CMIP: variants seen among roughly 807,000 people sequenced by gnomAD.
The protein encoded by CMIP is C-Maf-inducing protein.
A neutral mutation model predicts 97.3 loss-of-function variants in CMIP; 13 were observed. The ratio of observed to expected loss-of-function variants is 0.13; its 90% CI spans 0.09 to 0.21. The LOEUF is 0.21. Among genes scored for constraint, CMIP ranks in the 10% least tolerant of loss-of-function variants. CMIP has a pLI of 1.00. For synonymous variants in CMIP, 538 were observed against 436.3 expected, an observed-to-expected ratio of 1.23 and a Z score of -2.91; for missense variants, 847 against 1,024.9, an observed-to-expected ratio of 0.83 and a Z score of 2.37.
chr16:81,583,648 G>A (rs1412108035), intron 1 of CMIP, among the ~76,000 whole-genome samples: 5 of 152,134 alleles, frequency 3.3e-5, no homozygotes, highest in Non-Finnish European at 7.3e-5. Context: ...CCCAACCGAG[G>A]CTTATTGGGG....
intron 3 of CMIP, among the ~76,000 whole-genome samples, chr16:81,635,467 G>A (rs1466530273): frequency 2.6e-5 from 4 of 152,154 alleles, no homozygotes; most frequent in African/African-American, 4.8e-5. Flanking sequence ...AAATCGATAC[G>A]AATTGATCTG....
chr16:81,583,913 A>G (rs1484601260), intron 1 of CMIP, among the ~76,000 whole-genome samples: 4 of 152,172 alleles, frequency 2.6e-5, no homozygotes, highest in Non-Finnish European at 5.9e-5. Context: ...TTTTGGGTAG[A>G]GAGGGAATCG....
chr16:81,686,597 T>C (rs898597050), intron 10 of CMIP, among the ~76,000 whole-genome samples: 1 of 152,318 alleles, frequency 6.6e-6, no homozygotes, highest in African/African-American at 2.4e-5. Flanking sequence ...CAGGCTTTCC[T>C]GGTCATTCTT....
At chr16:81,671,716 G>A (rs2092684800) in intron 8 of CMIP, among the ~76,000 whole-genome samples, 2 of 152,180 alleles carry the variant, frequency 1.3e-5, no homozygotes, top group African/African-American at 4.8e-5. Context: ...CCACTCAGGG[G>A]TTTGAACCCG....
chr16:81,588,836 G>A (rs995291100), intron 1 of CMIP, among the ~76,000 whole-genome samples: 13 of 152,042 alleles, frequency 8.6e-5, no homozygotes, highest in South Asian at 2.1e-4. Flanking sequence ...GCCTCCCGTC[G>A]TCTTCCTGTG....
intron 15 of CMIP, among the ~76,000 whole-genome samples, chr16:81,700,277 G>A (rs1907250465): frequency 6.6e-6 from 1 of 151,868 alleles, no homozygotes; most frequent in Non-Finnish European, 1.5e-5. Context: ...CCTTCACCTC[G>A]TGGCCTCCAG....
chr16:81,645,285 C>G (rs1309292482), intron 3 of CMIP: 1 of 1,002,342 alleles, frequency 1.0e-6, no homozygotes, highest in East Asian at 3.7e-5. Flanking sequence ...CTCCTCCACT[C>G]TGCAGTGCCA....
chr16:81,445,222 C>T lies in CMIP; in HGVS notation c.-20C>T, dbSNP rs1418518124. The T allele has an allele frequency of 2.0e-6, 3 of 1,492,466 alleles. No individual in the cohort carries two copies. Among genetic ancestry groups the T allele is most frequent in the Non-Finnish European group, 2.7e-6 (3 of 1,123,246 alleles). 92.5% of individuals were successfully genotyped at this position (1,492,466 alleles called of 1,614,324 possible). ...GACAGCCCCCTCTCCCCGCCCCCAG[C>T]CCCCTCCCCCGGCGCGGCCATGGAT... On this transcript the variant is annotated 5_prime_UTR_variant, in exon 1 of 21. Transcript: ENST00000537098.
At chr16:81,465,492 C>T (rs28634254) in intron 1 of CMIP, among the ~76,000 whole-genome samples, 4,689 of 152,304 alleles carry the variant, frequency 0.031, 244 homozygotes, top group East Asian at 0.28. Flanking sequence ...GACTGGACCC[C>T]GTACGTTTGT....
At chr16:81,511,671 C>G (rs991119177) in intron 1 of CMIP, among the ~76,000 whole-genome samples, 3 of 147,098 alleles carry the variant, frequency 2.0e-5, no homozygotes, top group African/African-American at 7.3e-5. Flanking sequence ...GATGATCCTC[C>G]CACCTCAGCC....
chr16:81,684,151 C>T (rs1905154950), intron 10 of CMIP, among the ~76,000 whole-genome samples: 1 of 152,084 alleles, frequency 6.6e-6, no homozygotes, highest in African/African-American at 2.4e-5. Context: ...AGCAGATGTG[C>T]TGTGGGGCCT....
intron 10 of CMIP, among the ~76,000 whole-genome samples, chr16:81,680,417 A>T (rs954207749): frequency 1.3e-5 from 2 of 152,208 alleles, no homozygotes; most frequent in Admixed American, 6.5e-5. Context: ...GAAGGTGAAC[A>T]TGCGCACACA....
chr16:81,559,977 A>T (rs886072675), intron 1 of CMIP, among the ~76,000 whole-genome samples: 2 of 151,686 alleles, frequency 1.3e-5, no homozygotes, highest in East Asian at 4.0e-4. Flanking sequence ...TTGAATCGCC[A>T]TGTCTACCAA....
At chr16:81,461,806 C>T (rs958260157) in intron 1 of CMIP, among the ~76,000 whole-genome samples, 69 of 152,340 alleles carry the variant, frequency 4.5e-4, no homozygotes, top group African/African-American at 1.6e-3. Context: ...CACATGAGTT[C>T]TCTGACCCTC....
intron 9 of CMIP, among the ~76,000 whole-genome samples, chr16:81,672,849 G>T (rs1016676773): frequency 2.0e-5 from 3 of 152,206 alleles, no homozygotes; most frequent in Non-Finnish European, 2.9e-5. Flanking sequence ...GAATGCTGAG[G>T]TTACAGGCAT....
At chr16:81,498,540 T>C (rs2089536082) in intron 1 of CMIP, among the ~76,000 whole-genome samples, 2 of 152,200 alleles carry the variant, frequency 1.3e-5, no homozygotes, top group Admixed American at 1.3e-4. Flanking sequence ...CGCGCCTCAC[T>C]CTGAGAGGGT....
chr16:81,456,830 C>T (rs545513805), intron 1 of CMIP, among the ~76,000 whole-genome samples: 3 of 152,306 alleles, frequency 2.0e-5, no homozygotes, highest in East Asian at 3.9e-4. Context: ...GAAGGGAGAG[C>T]GTGTGGACAG....
At chr16:81,571,587 CAAAAAAAAAAAAA>C (rs397854647) in intron 1 of CMIP, among the ~76,000 whole-genome samples, 86 of 87,476 alleles carry the variant, frequency 9.8e-4, no homozygotes, top group South Asian at 2.3e-3. Context: ...TCATCTCTAC[CAAAAAAAAAAAAA>C]AAAAAAAAAA....
intron 9 of CMIP, among the ~76,000 whole-genome samples, chr16:81,675,042 G>C (rs963672454): frequency 4.9e-4 from 75 of 152,200 alleles, no homozygotes; most frequent in African/African-American, 1.8e-3. Context: ...GATGGCCCTG[G>C]CATCTGTTTT....
Sources: allele counts gnomAD v4.1 joint callset (sites outside exome capture counted in the v4.1 genomes callset), GRCh38; gene constraint gnomAD v4.1.1; transcripts MANE v1.5; gene names NCBI Gene and HGNC (gene_info 2026-07-23, HGNC 2026-07-21).